ERCC6: variants seen among roughly 807,000 people sequenced by gnomAD.
ERCC6 encodes ERCC excision repair 6, chromatin remodeling factor, also known as DNA excision repair protein ERCC-6.
In ERCC6, 116 loss-of-function variants were observed where a neutral mutation model predicts 158.7. The ratio of observed to expected loss-of-function variants is 0.73; its 90% CI spans 0.63 to 0.85. The LOEUF (loss-of-function observed/expected upper bound fraction) is 0.85. ERCC6 is among the 40% of genes least tolerant of loss of function. The pLI, the probability that ERCC6 is intolerant of heterozygous loss-of-function variation, is 0.00. For synonymous variants in ERCC6, 678 were observed against 659.3 expected (o/e 1.03, Z -0.43); for missense variants, 1,698 against 1,799.4 (o/e 0.94, Z 1.02).
chr10:49,463,194 T>A (rs1049637936), intron 18 of ERCC6, among the ~76,000 whole-genome samples: 7 of 152,360 alleles, frequency 4.6e-5, no homozygotes, highest in African/African-American at 1.7e-4. Context: ...TATATATTTT[T>A]AACATACACC....
chr10:49,448,344 G>C, the ERCC6 span, among the ~76,000 whole-genome samples: 5 of 152,058 alleles, frequency 3.3e-5, no homozygotes, highest in African/African-American at 1.2e-4. Flanking sequence ...TCTTCTTTGG[G>C]AAATGTCTAT....
intron 2 of ERCC6, among the ~76,000 whole-genome samples, chr10:49,532,243 A>G (rs181050647): frequency 2.0e-4 from 30 of 152,222 alleles, no homozygotes; most frequent in Admixed American, 6.5e-4. Flanking sequence ...ATTTAGGTGC[A>G]CCTCTCCTGA....
intron 11 of ERCC6, among the ~76,000 whole-genome samples, chr10:49,477,798 G>A (rs893184450): frequency 2.0e-5 from 3 of 152,068 alleles, no homozygotes; most frequent in Non-Finnish European, 2.9e-5. Context: ...TTGCTCCTTC[G>A]CCTTCTTTAG....
chr10:49,461,825 A>C (rs1170153547), intron 18 of ERCC6, among the ~76,000 whole-genome samples: 2 of 152,224 alleles, frequency 1.3e-5, no homozygotes, highest in Non-Finnish European at 2.9e-5. Flanking sequence ...ACAGTAACAG[A>C]AAAGACCAAA....
At chr10:49,519,785 G>C (rs966197814) in intron 5 of ERCC6, among the ~76,000 whole-genome samples, 5 of 152,176 alleles carry the variant, frequency 3.3e-5, no homozygotes, top group African/African-American at 1.2e-4. Context: ...TGAGAACATA[G>C]TTCTTTCTGA....
At chr10:49,441,990 T>A in the ERCC6 span, among the ~76,000 whole-genome samples, 7 of 152,122 alleles carry the variant, frequency 4.6e-5, no homozygotes, top group Non-Finnish European at 7.4e-5. Context: ...GGCCTCCTCC[T>A]CCAGGACCAT....
intron 2 of ERCC6, among the ~76,000 whole-genome samples, 184 bp downstream of exon 2, chr10:49,532,359 C>T (rs1837488716): frequency 6.6e-6 from 1 of 152,140 alleles, no homozygotes; most frequent in Non-Finnish European, 1.5e-5. Flanking sequence ...TGTACAATGC[C>T]ACTCCTAAGG....
At chr10:49,532,490 T>A in intron 2 of ERCC6, 53 bp downstream of exon 2, 2 of 1,607,208 alleles carry the variant, frequency 1.2e-6, no homozygotes, top group South Asian at 2.2e-5. Context: ...TACCTGAATA[T>A]CCCTGTCATG....
chr10:49,530,754 T>C lies in ERCC6; in HGVS notation c.509A>G (p.Lys170Arg), dbSNP rs1377658824. ...CTTCTGTCGTTTTACAGAATCTAGT[T>C]TCCTGTTGATGTCTCTGCTGGTGGC... Reference protein sequence around the residue: ...QAATSRDINRKLDSVKRQKYN... With the variant: ...QAATSRDINRRLDSVKRQKYN... The change falls in exon 3 of 21, where the codon AAA becomes AGA. Residue 170 changes from lysine to arginine, a missense_variant. Transcript: ENST00000355832. 3 of 1,613,822 alleles carry C rather than the reference T, an allele frequency of 1.9e-6. No individual in the cohort carries two copies. The highest frequency in any genetic ancestry group is 2.5e-6 in the Non-Finnish European group (3 of 1,179,862).
At chr10:49,523,094 A>G (rs1265420342) in intron 5 of ERCC6, among the ~76,000 whole-genome samples, 1 of 152,266 alleles carries the variant, frequency 6.6e-6, no homozygotes, top group Non-Finnish European at 1.5e-5. Context: ...TAAATACAAC[A>G]AACTAGGTCT....
intron 1 of ERCC6, among the ~76,000 whole-genome samples, chr10:49,537,172 C>T (rs1243007325): frequency 6.6e-6 from 1 of 151,908 alleles, no homozygotes; most frequent in African/African-American, 2.4e-5. Flanking sequence ...AGTGAAACCC[C>T]GTCTCTACTA....
At chr10:49,533,057 A>G (rs1837511577) in intron 1 of ERCC6, 79 bp from the exon 2 acceptor site, 2 of 1,477,870 alleles carry the variant, frequency 1.4e-6, no homozygotes, top group Non-Finnish European at 1.8e-6. Flanking sequence ...ATTAGAGCAG[A>G]CTGATTTCTC....
At chr10:49,485,557 A>C (rs1247044347) in intron 8 of ERCC6, among the ~76,000 whole-genome samples, 1 of 152,174 alleles carries the variant, frequency 6.6e-6, no homozygotes, top group Non-Finnish European at 1.5e-5. Flanking sequence ...CAGTTTCATA[A>C]AAGCTGGATT....
At chr10:49,442,449 G>A in the ERCC6 span, among the ~76,000 whole-genome samples, 1 of 152,186 alleles carries the variant, frequency 6.6e-6, no homozygotes, top group African/African-American at 2.4e-5. Flanking sequence ...ACAAAGCTAA[G>A]GTGCTGCCCT....
In ERCC6 at chr10:49,532,746, C is replaced by G; in HGVS notation, c.219G>C (p.Leu73=). The G allele has an allele frequency of 6.2e-7, 1 of 1,614,232 alleles. No homozygotes were observed. The highest frequency in any genetic ancestry group is 1.3e-5 in the African/African-American group (1 of 75,054). ...CCTGGATCTGATGTCGGTCGATGTG[C>G]AGCAGGGCTGGCCCTCTCCTCGGAG... ...SAAPRRGPAL[L]HIDRHQIQAV... is the part of the protein sequence containing the mutation. The change falls in exon 2 of 21, where the codon CTG becomes CTC. Residue 73 remains leucine, a synonymous_variant. Transcript: ENST00000355832.
In ERCC6 at chr10:49,458,582, C is replaced by CAA. The variant is rs74561842; in HGVS notation, c.*231_*232dup. 113 of 439,524 alleles carry CAA rather than the reference C, an allele frequency of 2.6e-4. No individual in the cohort carries two copies. Among genetic ancestry groups the CAA allele is most frequent in the Middle Eastern group, 6.4e-4 (1 of 1,572 alleles). 27.2% of individuals were successfully genotyped at this position (439,524 alleles called of 1,614,324 possible). On this transcript the variant is annotated 3_prime_UTR_variant, in exon 21 of 21. Coordinates refer to ENST00000355832, the MANE Select transcript of ERCC6 (RefSeq NM_000124.4). ...CTGATTTACAATATAATTAGATTGC[C>CAA]AAAAAAAAAAAAATCAATCCAAGTA...
rs1564446204 is a variant in ERCC6 at position 49,530,851 on chromosome 10, A to G, written c.423-11T>C. 2 of 1,612,630 alleles carry G rather than the reference A, an allele frequency of 1.2e-6. No individual in the cohort carries two copies. Among genetic ancestry groups the G allele is most frequent in the Admixed American group, 1.7e-5 (1 of 60,004 alleles). On this transcript the variant is annotated splice_polypyrimidine_tract_variant and intron_variant, in intron 2 of 20. Transcript: ENST00000355832. Reference sequence around the variant, plus strand: ...GATGTCGTACATGACCTGAAAAATAAGATAAATTGTCTATTTTGCACTCTG... The same window carrying G: ...GATGTCGTACATGACCTGAAAAATAGGATAAATTGTCTATTTTGCACTCTG...
intron 8 of ERCC6, chr10:49,488,457 C>G (rs1044935748): frequency 6.6e-6 from 1 of 152,152 alleles, no homozygotes; most frequent in Non-Finnish European, 1.5e-5. Context: ...AAAAAAAGGG[C>G]TCCAGCAACA....
intron 20 of ERCC6, among the ~76,000 whole-genome samples, chr10:49,459,766 G>T (rs1850545361): frequency 6.6e-6 from 1 of 152,166 alleles, no homozygotes; most frequent in African/African-American, 2.4e-5. Flanking sequence ...AATCCCTACT[G>T]CTAAAAGCAC....
Sources: gnomAD v4.1 joint callset for allele counts (sites outside exome capture counted in the v4.1 genomes callset) on GRCh38, gnomAD v4.1.1 for gene constraint, MANE v1.5 for transcripts, NCBI Gene and HGNC (gene_info 2026-07-23, HGNC 2026-07-21) for gene names.